FILIP1L: variants seen among roughly 807,000 people sequenced by gnomAD.
FILIP1L encodes filamin A-interacting protein 1-like.
Under a neutral mutation model 96.6 loss-of-function variants are expected in FILIP1L, and 55 were observed. The ratio of observed to expected loss-of-function variants is 0.57; its 90% CI spans 0.46 to 0.71. The LOEUF is 0.71. FILIP1L is among the 30% of genes least tolerant of loss of function. The probability of loss-of-function intolerance (pLI) is 0.00; values close to 1 mark genes in which losing one functional copy is unlikely to be tolerated. For missense variants in FILIP1L, 1,304 were observed against 1,321.2 expected (o/e 0.99, Z 0.20); for synonymous variants, 467 against 473.9 (o/e 0.99, Z 0.19).
In FILIP1L at chr3:99,901,500, G is replaced by A. The variant is rs551906721; in HGVS notation, c.605+22730C>T. Among the ~76,000 whole-genome samples, 13 of 152,272 alleles carry A rather than the reference G, an allele frequency of 8.5e-5. No individual in the cohort carries two copies. In the South Asian group the frequency reaches 2.7e-3, roughly 32 times the overall value. Reference sequence around the variant, plus strand: ...TGCCTCAGAATGAAACTGATTGAGTGTTTCAAATTATGTACTTTTGCTTGG... The same window carrying A: ...TGCCTCAGAATGAAACTGATTGAGTATTTCAAATTATGTACTTTTGCTTGG... On this transcript the variant is annotated intron_variant, in intron 4 of 5. Transcript: ENST00000477258.
In FILIP1L at chr3:99,930,892, C is replaced by T. The variant is rs1372971789; in HGVS notation, c.129G>A (p.Glu43=). 6.2e-7 allele frequency: 1 copy of T among 1,613,452 alleles called. No individual in the cohort carries two copies. The highest frequency in any genetic ancestry group is 1.1e-5 in the South Asian group (1 of 91,004). ...TGGGACACGGAAGTATTACATCCGA[C>T]TCACTGGGGGAGTCTTTGTCTTGCT... The part of the protein sequence containing the change: ...HRQQDKDSPS[E]SDVILPCPKA... The change falls in exon 2 of 6, where the codon GAG becomes GAA. Residue 43 remains glutamate (E), a synonymous_variant. Coordinates refer to ENST00000477258, the MANE Select transcript of FILIP1L (RefSeq NM_001387850.1).
At position 99,832,560 on chromosome 3, in the gene FILIP1L, A is replaced by AAAAG. The variant is rs201155810; in HGVS notation, c.3382-1956_3382-1955insCTTT. The stretch of plus-strand genomic sequence containing the variant: ...CAAATCTTTAAAAAAAAAAAAAAAA[A>AAAAG]GGCCTAGCGCAGTGGCTCATACCTG... On this transcript the variant is annotated intron_variant, in intron 5 of 5. Coordinates refer to ENST00000477258, the MANE Select transcript of FILIP1L (RefSeq NM_001387850.1). Among the ~76,000 whole-genome samples the AAAAG allele has an allele frequency of 1.8e-3, 214 of 120,810 alleles. 10 individuals are homozygous for AAAAG. Among genetic ancestry groups the AAAAG allele is most frequent in the African/African-American group, 6.1e-3 (188 of 30,740 alleles). 79.3% of individuals were successfully genotyped at this position (120,810 alleles called of 152,430 possible).
intron 1 of FILIP1L, among the ~76,000 whole-genome samples, chr3:99,966,490 G>T (rs979621169): frequency 1.3e-5 from 2 of 151,908 alleles, no homozygotes; most frequent in Admixed American, 6.6e-5. Flanking sequence ...GATTGTTTTT[G>T]TGCAGAGCCC....
chr3:99,986,733 G>A (rs925493142), intron 1 of FILIP1L, among the ~76,000 whole-genome samples: 3 of 152,042 alleles, frequency 2.0e-5, no homozygotes, highest in Admixed American at 1.3e-4. Context: ...CCTAAGCGGG[G>A]GATTCTTTTG....
intron 4 of FILIP1L, among the ~76,000 whole-genome samples, chr3:99,906,097 G>A (rs1233658460): frequency 2.0e-5 from 3 of 152,172 alleles, no homozygotes; most frequent in Admixed American, 6.5e-5. Context: ...CGGGGGCTGA[G>A]GTGGGAGGAT....
intron 4 of FILIP1L, among the ~76,000 whole-genome samples, chr3:99,889,292 A>G (rs1706009024): frequency 6.6e-6 from 1 of 152,134 alleles, no homozygotes; most frequent in African/African-American, 2.4e-5. Context: ...CACAAATTCA[A>G]ACTGTTCCTA....
intron 1 of FILIP1L, among the ~76,000 whole-genome samples, chr3:100,073,540 A>G (rs1042356650): frequency 7.9e-5 from 12 of 152,230 alleles, no homozygotes; most frequent in Admixed American, 5.9e-4. Flanking sequence ...CTTGAATCCA[A>G]AAAGAAATAA....
chr3:100,042,063 C>A (rs1404034589), intron 1 of FILIP1L, among the ~76,000 whole-genome samples: 1 of 152,088 alleles, frequency 6.6e-6, no homozygotes, highest in Non-Finnish European at 1.5e-5. Context: ...TTGCCATAAG[C>A]TCTGGATCGT....
chr3:99,991,864 ATATATATACACACATATATGTATATATG>A (rs1307490504), intron 1 of FILIP1L, among the ~76,000 whole-genome samples: 96 of 147,758 alleles, frequency 6.5e-4, no homozygotes, highest in African/African-American at 2.3e-3. Context: ...GTGTATGTGT[ATATATATACACACATATATGTATATATG>A]TGTGTATATA....
intron 1 of FILIP1L, among the ~76,000 whole-genome samples, chr3:99,938,551 A>G (rs932426494): frequency 1.3e-5 from 2 of 152,238 alleles, no homozygotes; most frequent in South Asian, 2.1e-4. Context: ...ACTGTCTGCT[A>G]TCTTTACATT....
chr3:99,936,817 A>G lies in FILIP1L; in HGVS notation c.-10-5787T>C, dbSNP rs906581286. ...CTACTTAGCTTTTATAAAAAGATAT[A>G]CATAGTAAAGGAAAAATCCTGGTTT... On this transcript the variant is annotated intron_variant, in intron 1 of 5. Coordinates refer to ENST00000477258, the MANE Select transcript of FILIP1L (RefSeq NM_001387850.1). 7.9e-5 allele frequency among the ~76,000 whole-genome samples: 12 copies of G among 152,254 alleles called. 1 individual carries two copies. The South Asian group carries it at 1.7e-3, about 21-fold the overall frequency.
intron 1 of FILIP1L, among the ~76,000 whole-genome samples, chr3:99,975,742 A>AT (rs1359714420): frequency 6.6e-6 from 1 of 152,242 alleles, no homozygotes; most frequent in Non-Finnish European, 1.5e-5. Flanking sequence ...GTATATACTC[A>AT]TATCAAGGTC....
intron 1 of FILIP1L, among the ~76,000 whole-genome samples, chr3:99,991,875 C>CACATATAT (rs1346566776): frequency 4.8e-5 from 7 of 146,566 alleles, no homozygotes; most frequent in Non-Finnish European, 1.1e-4. Flanking sequence ...TATATATACA[C>CACATATAT]ACATATATGT....
At chr3:100,016,383 G>T (rs1710340700) in intron 1 of FILIP1L, among the ~76,000 whole-genome samples, 1 of 152,126 alleles carries the variant, frequency 6.6e-6, no homozygotes, top group African/African-American at 2.4e-5. Flanking sequence ...TAGAGGCAGG[G>T]TATCTCCATG....
At chr3:99,838,700 C>A (rs181310800) in intron 5 of FILIP1L, among the ~76,000 whole-genome samples, 173 of 152,288 alleles carry the variant, frequency 1.1e-3, no homozygotes, top group African/African-American at 4.1e-3. Context: ...TTTCACTCCT[C>A]AGTTTTGTGA....
intron 1 of FILIP1L, among the ~76,000 whole-genome samples, chr3:100,035,675 T>G (rs2065095920): frequency 6.6e-6 from 1 of 152,216 alleles, no homozygotes; most frequent in Admixed American, 6.5e-5. Flanking sequence ...AGGCAGAAAC[T>G]TTTATCATTC....
At position 100,113,756 on chromosome 3, in the gene FILIP1L, A is replaced by G. The variant is rs138485624; in HGVS notation, c.-11+297T>C. ...CATACTTTTTCTTTAATTTTTGACT[A>G]TCCATCTTACTCTTAACAGGATAAC... is the stretch of plus-strand genomic sequence containing the variant. On this transcript the variant is annotated intron_variant, in intron 1 of 5. Coordinates refer to ENST00000477258, the MANE Select transcript of FILIP1L (RefSeq NM_001387850.1). Among the ~76,000 whole-genome samples the G allele has an allele frequency of 4.6e-3, 694 of 152,318 alleles. 6 individuals carry two copies. Among genetic ancestry groups the G allele is most frequent in the African/African-American group, 0.016 (679 of 41,554 alleles).
intron 4 of FILIP1L, among the ~76,000 whole-genome samples, chr3:99,871,527 C>T (rs1241605343): frequency 6.6e-6 from 1 of 152,124 alleles, no homozygotes; most frequent in East Asian, 1.9e-4. Context: ...AATGTCACAT[C>T]ACAGTGCACA....
intron 1 of FILIP1L, among the ~76,000 whole-genome samples, chr3:99,967,989 ACATGTATTACT>A (rs1265152671): frequency 6.6e-6 from 1 of 152,216 alleles, no homozygotes; most frequent in Admixed American, 6.5e-5. Context: ...GCAATCTCAA[ACATGTATTACT>A]CATGTACCAA....
Sources: allele counts gnomAD v4.1 joint callset (sites outside exome capture counted in the v4.1 genomes callset), GRCh38; gene constraint gnomAD v4.1.1; transcripts MANE v1.5; gene names NCBI Gene and HGNC (gene_info 2026-07-23, HGNC 2026-07-21).